LENG8: variants seen among roughly 807,000 people sequenced by gnomAD.
LENG8 encodes leukocyte receptor cluster (LRC) member 8.
LENG8 carries 28 observed loss-of-function variants against 102.1 expected under a neutral mutation model. That is an observed-to-expected ratio of 0.27 (90% CI 0.20 to 0.38). The LOEUF is 0.38. Ranked by LOEUF, LENG8 falls within the 10% of genes least tolerant of loss-of-function variation. The probability of loss-of-function intolerance (pLI) is 1.00; values close to 1 mark genes in which losing one functional copy is unlikely to be tolerated. For missense variants in LENG8, 1,022 were observed against 1,113.9 expected, an observed-to-expected ratio of 0.92 and a Z score of 1.17; for synonymous variants, 531 against 456.7, an observed-to-expected ratio of 1.16 and a Z score of -2.07.
chr19:54,456,268 CTG>C (rs761233835), intron 9 of LENG8, 23 bp downstream of exon 9: 35 of 1,613,946 alleles, frequency 2.2e-5, no homozygotes, highest in East Asian at 4.5e-5. Context: ...CCGGCTGGGG[CTG>C]TGTGTGAGGG....
chr19:54,452,081 C>G lies in LENG8; in HGVS notation c.39-12C>G, dbSNP rs370281299. ...GAGAACAGGTGTGACTTGATGTCCT[C>G]TCTCTCTGCAGGTCTTCTCAGTACA... On this transcript the variant is annotated splice_polypyrimidine_tract_variant and intron_variant, in intron 2 of 15. Coordinates refer to ENST00000326764, the MANE Select transcript of LENG8 (RefSeq NM_052925.4). 8 of 1,601,552 alleles carry G rather than the reference C, an allele frequency of 5.0e-6. No homozygotes were observed. Among genetic ancestry groups the G allele is most frequent in the Non-Finnish European group, 6.8e-6 (8 of 1,170,762 alleles).
chr19:54,459,074 C>T (rs2084401231), intron 15 of LENG8: 3 of 1,391,826 alleles, frequency 2.2e-6, no homozygotes, highest in Non-Finnish European at 2.8e-6. Context: ...GTTCACTAGA[C>T]ATTGCGCCTG....
chr19:54,453,222 C>T (rs1381147469), intron 4 of LENG8, among the ~76,000 whole-genome samples: 3 of 152,304 alleles, frequency 2.0e-5, no homozygotes, highest in Non-Finnish European at 4.4e-5. Flanking sequence ...GGATGTATTA[C>T]ATGTTGATGT....
rs762488344 is a variant in LENG8 at position 54,452,078 on chromosome 19, CCTCT to C, written c.39-8_39-5del. 4.4e-6 allele frequency: 7 copies of C among 1,599,596 alleles called. No individual in the cohort carries two copies. In the African/African-American group the frequency reaches 8.0e-5, roughly 18 times the overall value. ...GGGGAGAACAGGTGTGACTTGATGTCCTCTCTCTCTGCAGGTCTTCTCAGTACAG... is the reference window on the plus strand; with the variant it reads ...GGGGAGAACAGGTGTGACTTGATGTCCTCTCTGCAGGTCTTCTCAGTACAG... On this transcript the variant is annotated splice_polypyrimidine_tract_variant and intron_variant, in intron 2 of 15. Coordinates refer to ENST00000326764, the MANE Select transcript of LENG8 (RefSeq NM_052925.4).
At position 54,458,411 on chromosome 19, in the gene LENG8, C is replaced by T. The variant is rs1344046066; in HGVS notation, c.2130C>T (p.Asn710=). ...LALRTAWALG[N]YHRFFRLYCH... is the part of the protein sequence containing the mutation. ...TAAGGACAGCCTGGGCCCTGGGCAA[C>T]TACCACCGCTTTTTCCGGCTCTACT... Residue 710 remains asparagine (N), a synonymous_variant, in exon 15 of 16, where the codon AAC becomes AAT. Transcript: ENST00000326764. 1.9e-6 allele frequency: 3 copies of T among 1,614,276 alleles called. No individual in the cohort carries two copies. The South Asian group carries it at 3.3e-5, about 18-fold the overall frequency.
chr19:54,461,221 C>T lies in LENG8; in HGVS notation c.*293C>T, dbSNP rs149072994. 323 of 636,840 alleles carry T rather than the reference C, an allele frequency of 5.1e-4. 1 individual carries two copies. The African/African-American group carries it at 5.4e-3, about 11-fold the overall frequency. 39.4% of individuals were successfully genotyped at this position (636,840 alleles called of 1,614,324 possible). ...CCGCCTTTCACTCCACTAATGCTGT[C>T]TCAGTGTTTTCTCTCTCTCTCTTTC... On this transcript the variant is annotated 3_prime_UTR_variant, in exon 16 of 16. Coordinates refer to ENST00000326764, the MANE Select transcript of LENG8 (RefSeq NM_052925.4).
At chr19:54,458,027 C>G in intron 13 of LENG8, 25 bp downstream of exon 13, 5 of 1,613,066 alleles carry the variant, frequency 3.1e-6, no homozygotes, top group Non-Finnish European at 4.2e-6. Flanking sequence ...GCGGGCCTCC[C>G]CAGCCCCTTT....
intron 8 of LENG8, 85 bp downstream of exon 8, chr19:54,455,652 C>T: frequency 8.1e-7 from 1 of 1,230,996 alleles, no homozygotes; most frequent in Non-Finnish European, 1.1e-6. Context: ...TTGCGGGTCC[C>T]AGGTACCAGG....
At chr19:54,459,044 A>G in intron 15 of LENG8, 1 of 1,432,100 alleles carries the variant, frequency 7.0e-7, no homozygotes, top group Non-Finnish European at 9.1e-7. Flanking sequence ...TGGTCAGGCC[A>G]TGCCCCTGCA....
chr19:54,461,491 C>G lies in LENG8; in HGVS notation c.*563C>G, dbSNP rs895130094. On this transcript the variant is annotated 3_prime_UTR_variant, in exon 16 of 16. Coordinates refer to ENST00000326764, the MANE Select transcript of LENG8 (RefSeq NM_052925.4). Reference sequence around the variant, plus strand: ...GTCCTCGGCCCCCCACCCTGAAGTGCCAGCACCACCAGCACCAGATCCTCC... The same window carrying G: ...GTCCTCGGCCCCCCACCCTGAAGTGGCAGCACCACCAGCACCAGATCCTCC... 9 of 466,216 alleles carry G rather than the reference C, an allele frequency of 1.9e-5. No individual in the cohort carries two copies. Among genetic ancestry groups the G allele is most frequent in the African/African-American group, 1.8e-4 (9 of 50,078 alleles). 28.9% of individuals were successfully genotyped at this position (466,216 alleles called of 1,614,324 possible).
intron 2 of LENG8, 152 bp from the exon 3 acceptor site, chr19:54,451,941 C>G (rs1375931628): frequency 9.5e-6 from 6 of 631,238 alleles, no homozygotes; most frequent in Non-Finnish European, 1.6e-5. Context: ...AAGCAGAAAC[C>G]CTTTATCAGC....
At chr19:54,455,887 G>A (rs1024451028) in intron 8 of LENG8, 80 bp from the exon 9 acceptor site, 49 of 1,462,506 alleles carry the variant, frequency 3.4e-5, no homozygotes, top group Middle Eastern at 3.7e-4. Flanking sequence ...GAGGCGGGTC[G>A]GTACCTTGAG....
At chr19:54,451,409 CAGTCGGGAGGGAA>C in intron 2 of LENG8, 27 bp downstream of exon 2, 1 of 1,612,586 alleles carries the variant, frequency 6.2e-7, no homozygotes, top group South Asian at 1.1e-5. Flanking sequence ...GGATGGAGGC[CAGTCGGGAGGGAA>C]AGAGGAAGCA....
Position 54,454,960 on chromosome 19 carries a change from G to A in LENG8, c.689G>A (p.Gly230Glu). Residue 230 changes from glycine to glutamate, a missense_variant, in exon 7 of 16, where the codon GGG becomes GAG. Coordinates refer to ENST00000326764, the MANE Select transcript of LENG8 (RefSeq NM_052925.4). ...TTCGCTGCCCTCACAGCCGCCCCTG[G>A]GACTGGAGGTCTCAAGTTCAACATC... ...QLWNRMKPAP[G>E]TGGLKFNIQK... The A allele has an allele frequency of 6.2e-7, 1 of 1,614,178 alleles. No homozygotes were observed. Among genetic ancestry groups the A allele is most frequent in the Non-Finnish European group, 8.5e-7 (1 of 1,180,018 alleles).
At position 54,456,464 on chromosome 19, in the gene LENG8, A is replaced by C; in HGVS notation, c.1444A>C (p.Arg482=). ...RGRGRAQRGK[R]HDLAPTKRSR... ...CCGAGGCAGGGCGCAGCGTGGGAAG[A>C]GGTGAGACTGTGTGAGGGCTCGACA... The change falls in exon 10 of 16, where the codon AGG becomes CGG. Residue 482 remains arginine, a splice_region_variant and synonymous_variant. Coordinates refer to ENST00000326764, the MANE Select transcript of LENG8 (RefSeq NM_052925.4). 1 of 1,603,384 alleles carries C rather than the reference A, an allele frequency of 6.2e-7. No homozygotes were observed. The highest frequency in any genetic ancestry group is 1.7e-4 in the Middle Eastern group (1 of 6,000).
In LENG8 at chr19:54,453,584, G is replaced by A. The variant is rs773534365; in HGVS notation, c.354G>A (p.Gly118=). The part of the protein sequence containing the change: ...YQSYGSPSQY[G]MAGSYGSATP... The stretch of plus-strand genomic sequence containing the variant: ...GCTATGGCTCCCCTTCCCAGTATGG[G>A]ATGGCCGGCTCCTATGGCTCAGCCA... Residue 118 remains glycine, a synonymous_variant, in exon 5 of 16, where the codon GGG becomes GGA. Coordinates refer to ENST00000326764, the MANE Select transcript of LENG8 (RefSeq NM_052925.4). The A allele has an allele frequency of 6.2e-6, 10 of 1,614,030 alleles. No homozygotes were observed. The East Asian group carries it at 2.2e-4, about 36-fold the overall frequency.
Position 54,460,407 on chromosome 19 carries a change from C to T in LENG8, c.2241-359C>T, listed in dbSNP as rs369449588. Reference sequence around the variant, plus strand: ...GGAGGCAGCGAGGGCTGGGTCCCCACGGTGGCCCTGGCAGCCCCGCCATCC... The same window carrying T: ...GGAGGCAGCGAGGGCTGGGTCCCCATGGTGGCCCTGGCAGCCCCGCCATCC... On this transcript the variant is annotated intron_variant, in intron 15 of 15. Coordinates refer to ENST00000326764, the MANE Select transcript of LENG8 (RefSeq NM_052925.4). The T allele has an allele frequency of 5.1e-5, 63 of 1,233,136 alleles. No individual in the cohort carries two copies. In the African/African-American group the frequency reaches 6.5e-4, roughly 13 times the overall value. The allele number at this position is 1,233,136 out of a possible 1,614,324, so 76.4% of individuals were successfully genotyped here. A position where few individuals can be genotyped will look rare whatever the true frequency, so the allele number is the denominator to read the frequency against.
chr19:54,458,719 C>CG (rs2084382262), intron 15 of LENG8, 198 bp downstream of exon 15: 5 of 1,551,228 alleles, frequency 3.2e-6, no homozygotes, highest in Non-Finnish European at 4.4e-6. Context: ...CTCTGTGTTC[C>CG]GGGTCACTCC....
rs576980894 is a variant in LENG8 at position 54,461,527 on chromosome 19, C to T, written c.*599C>T. On this transcript the variant is annotated 3_prime_UTR_variant, in exon 16 of 16. Transcript: ENST00000326764. ...AGCACCAGATCCTCCGCCGCCACACCGCACTGAGGACACGCCGGCCGGGCC... is the reference window on the plus strand; with the variant it reads ...AGCACCAGATCCTCCGCCGCCACACTGCACTGAGGACACGCCGGCCGGGCC... 1.3e-4 allele frequency: 60 copies of T among 471,330 alleles called. No homozygotes were observed. Among genetic ancestry groups the T allele is most frequent in the Middle Eastern group, 9.8e-4 (3 of 3,076 alleles). The allele number at this position is 471,330 out of a possible 1,614,324, so 29.2% of individuals were successfully genotyped here. A position where few individuals can be genotyped will look rare whatever the true frequency, so the allele number is the denominator to read the frequency against.
Sources: allele counts gnomAD v4.1 joint callset (sites outside exome capture counted in the v4.1 genomes callset), GRCh38; gene constraint gnomAD v4.1.1; transcripts MANE v1.5; gene names NCBI Gene and HGNC (gene_info 2026-07-23, HGNC 2026-07-21).